DSCAM: variants seen among roughly 807,000 people sequenced by gnomAD.
DSCAM encodes DS cell adhesion molecule, also known as cell adhesion molecule DSCAM.
DSCAM carries 47 observed loss-of-function variants against 217.7 expected under a neutral mutation model. That is an observed-to-expected ratio of 0.22 (90% CI 0.17 to 0.28). DSCAM has a LOEUF of 0.28. DSCAM is among the 10% of genes least tolerant of loss of function. The probability of loss-of-function intolerance (pLI) is 1.00; values close to 1 mark genes in which losing one functional copy is unlikely to be tolerated. For missense variants in DSCAM, 2,080 were observed against 2,618.3 expected (o/e 0.79, Z 4.49); for synonymous variants, 1,056 against 1,015.3 (o/e 1.04, Z -0.76).
chr21:40,837,833 T>C (rs2092069107), intron 1 of DSCAM, among the ~76,000 whole-genome samples: 1 of 152,218 alleles, frequency 6.6e-6, no homozygotes, highest in African/African-American at 2.4e-5. Context: ...TTCAGCTCAT[T>C]CCTAAAGTCT....
chr21:40,468,138 G>A (rs1286127543), intron 3 of DSCAM, among the ~76,000 whole-genome samples: 1 of 152,084 alleles, frequency 6.6e-6, no homozygotes, highest in African/African-American at 2.4e-5. Flanking sequence ...CATCTGATTT[G>A]CTTCCTCTGC....
intron 16 of DSCAM, among the ~76,000 whole-genome samples, chr21:40,164,791 G>A (rs2090576509): frequency 6.6e-6 from 1 of 151,466 alleles, no homozygotes; most frequent in Non-Finnish European, 1.5e-5. Context: ...GACAGAGTGA[G>A]ACTCTGTCTC....
chr21:40,572,664 T>C (rs2076817402), intron 3 of DSCAM, among the ~76,000 whole-genome samples: 1 of 151,946 alleles, frequency 6.6e-6, no homozygotes, highest in Admixed American at 6.6e-5. Flanking sequence ...GAAAAAGGAG[T>C]ATATTCTAAT....
chr21:40,751,488 A>T (rs2091228096), intron 1 of DSCAM, among the ~76,000 whole-genome samples: 1 of 152,224 alleles, frequency 6.6e-6, no homozygotes, highest in African/African-American at 2.4e-5. Context: ...CAAACTACAC[A>T]CATCACCATG....
chr21:40,249,959 C>T (rs1457236066), intron 11 of DSCAM, among the ~76,000 whole-genome samples: 1 of 152,200 alleles, frequency 6.6e-6, no homozygotes, highest in Non-Finnish European at 1.5e-5. Flanking sequence ...TAAGCTGACA[C>T]ACATCTGAGA....
intron 1 of DSCAM, among the ~76,000 whole-genome samples, chr21:40,711,597 G>A (rs968810822): frequency 3.3e-5 from 5 of 152,038 alleles, no homozygotes; most frequent in African/African-American, 9.7e-5. Flanking sequence ...CCTCTTTAGC[G>A]CCAATGCACC....
chr21:40,297,928 A>T (rs116678707), intron 9 of DSCAM, among the ~76,000 whole-genome samples: 1,649 of 152,200 alleles, frequency 0.011, 23 homozygotes, highest in African/African-American at 0.036. Context: ...GTCTCAATTT[A>T]CTTATCTGAA....
Position 40,125,515 on chromosome 21 carries a change from T to A in DSCAM, c.3563-1187A>T, listed in dbSNP as rs532875010. On this transcript the variant is annotated intron_variant, in intron 19 of 32. Transcript: ENST00000400454. Reference sequence around the variant, plus strand: ...TTTACTGCTTTGATGGCAATGCAACTGCTCAGTAAATTGTTTTGGAGTTGA... The same window carrying A: ...TTTACTGCTTTGATGGCAATGCAACAGCTCAGTAAATTGTTTTGGAGTTGA... Among the ~76,000 whole-genome samples the A allele has an allele frequency of 9.8e-5, 15 of 152,356 alleles. No homozygotes were observed. In the East Asian group the frequency reaches 2.7e-3, roughly 27 times the overall value.
At position 40,355,456 on chromosome 21, in the gene DSCAM, C is replaced by G. The variant is rs1327635166; in HGVS notation, c.656-1713G>C. ...AAGAACTGGGTCTGTGGAAACCACG[C>G]AGCTCAATGTCCTTCAAGTTTGTTT... On this transcript the variant is annotated intron_variant, in intron 4 of 32. Transcript: ENST00000400454. 2.0e-5 allele frequency among the ~76,000 whole-genome samples: 3 copies of G among 152,272 alleles called. No homozygotes were observed. In the East Asian group the frequency reaches 5.8e-4, roughly 29 times the overall value.
chr21:40,158,681 ATTC>A (rs1828698276), intron 16 of DSCAM, among the ~76,000 whole-genome samples: 1 of 152,206 alleles, frequency 6.6e-6, no homozygotes, highest in Admixed American at 6.5e-5. Flanking sequence ...TGCCACCTAA[ATTC>A]TTCTGTTATT....
chr21:40,166,038 A>T (rs1415781875), intron 16 of DSCAM, among the ~76,000 whole-genome samples: 1 of 152,156 alleles, frequency 6.6e-6, no homozygotes, highest in Admixed American at 6.5e-5. Flanking sequence ...CGGTTGAGAA[A>T]CGCTGACACA....
intron 3 of DSCAM, among the ~76,000 whole-genome samples, chr21:40,501,874 G>A (rs966968883): frequency 5.3e-5 from 8 of 152,224 alleles, no homozygotes; most frequent in Non-Finnish European, 1.0e-4. Flanking sequence ...GATTATAGGC[G>A]TGAGCCACAG....
At chr21:40,772,910 C>T (rs1163399241) in intron 1 of DSCAM, among the ~76,000 whole-genome samples, 1 of 152,236 alleles carries the variant, frequency 6.6e-6, no homozygotes, top group Non-Finnish European at 1.5e-5. Flanking sequence ...GAGCTGTCTT[C>T]TGTCAAATAA....
chr21:40,274,441 T>C (rs770692838), intron 11 of DSCAM, among the ~76,000 whole-genome samples: 6 of 152,210 alleles, frequency 3.9e-5, no homozygotes, highest in African/African-American at 1.4e-4. Context: ...TTGATTGTAC[T>C]TGTATCCTTC....
intron 3 of DSCAM, among the ~76,000 whole-genome samples, chr21:40,679,953 G>A (rs188022901): frequency 1.2e-3 from 185 of 152,076 alleles, no homozygotes; most frequent in African/African-American, 3.9e-3. Context: ...TTGAAACCAC[G>A]GTGTCCTGAC....
chr21:40,615,218 G>A (rs142914137), intron 3 of DSCAM, among the ~76,000 whole-genome samples: 329 of 147,710 alleles, frequency 2.2e-3, no homozygotes, highest in African/African-American at 8.1e-3. Flanking sequence ...GGAGGTGGAG[G>A]TTGCAGTGAG....
intron 3 of DSCAM, among the ~76,000 whole-genome samples, chr21:40,554,241 A>G (rs900786368): frequency 1.3e-5 from 2 of 151,462 alleles, no homozygotes; most frequent in African/African-American, 4.9e-5. Flanking sequence ...GATTAAACGA[A>G]TTAAAAACAT....
At position 40,085,752 on chromosome 21, in the gene DSCAM, TG is replaced by T; in HGVS notation, c.3981del (p.Ser1328ValfsTer2). ...VKWMKDSNGT[P>X]SLVTIDGRRS... The stretch of plus-strand genomic sequence containing the variant: ...CTCCGCCCATCAATCGTTACTAGAC[TG>T]GGTGTCCCGTTACTGCCTCACAGGA... On this transcript the variant is annotated frameshift_variant, in exon 23 of 33. Coordinates refer to ENST00000400454, the MANE Select transcript of DSCAM (RefSeq NM_001389.5). LOFTEE classifies it high-confidence loss of function. 6.6e-7 allele frequency: 1 copy of T among 1,519,584 alleles called. No homozygotes were observed. Among genetic ancestry groups the T allele is most frequent in the Non-Finnish European group, 8.9e-7 (1 of 1,117,890 alleles). The allele number at this position is 1,519,584 out of a possible 1,614,324, so 94.1% of individuals were successfully genotyped here. A position where few individuals can be genotyped will look rare whatever the true frequency, so the allele number is the denominator to read the frequency against.
At chr21:40,404,152 T>C (rs2075262015) in intron 3 of DSCAM, among the ~76,000 whole-genome samples, 1 of 152,230 alleles carries the variant, frequency 6.6e-6, no homozygotes, top group African/African-American at 2.4e-5. Context: ...CACAAGTTCA[T>C]GATACTGCAT....
Sources: gnomAD v4.1 joint callset for allele counts (sites outside exome capture counted in the v4.1 genomes callset) on GRCh38, gnomAD v4.1.1 for gene constraint, MANE v1.5 for transcripts, NCBI Gene and HGNC (gene_info 2026-07-23, HGNC 2026-07-21) for gene names.